RHCG: variants seen among roughly 807,000 people sequenced by gnomAD.
RHCG encodes ammonium transporter Rh type C.
A neutral mutation model predicts 55.3 loss-of-function variants in RHCG; 39 were observed. That is an observed-to-expected ratio of 0.70 (90% confidence interval 0.55 to 0.92). The LOEUF (loss-of-function observed/expected upper bound fraction) is 0.92, where lower values mean the gene tolerates loss of function less well. Among genes scored for constraint, RHCG ranks in the 40% least tolerant of loss-of-function variants. The pLI, the probability that RHCG is intolerant of heterozygous loss-of-function variation, is 0.00. For synonymous variants in RHCG, 250 were observed against 246.8 expected, an observed-to-expected ratio of 1.01 and a Z score of -0.12; for missense variants, 635 against 627.9, an observed-to-expected ratio of 1.01 and a Z score of -0.12.
At chr15:89,495,145 T>C (rs1336355724) in intron 1 of RHCG, among the ~76,000 whole-genome samples, 1 of 152,182 alleles carries the variant, frequency 6.6e-6, no homozygotes, top group African/African-American at 2.4e-5. Flanking sequence ...TATCTGTTAC[T>C]TCCCTTCTAG....
In RHCG at chr15:89,472,665, A is replaced by G. The variant is rs1961059832; in HGVS notation, c.*24+46T>C. ...ATCTGATTCTGAGAGCTGGGCCCCC[A>G]CTGGGAGAACCTCCCTGTCATCCCC... On this transcript the variant is annotated intron_variant, in intron 10 of 10. Coordinates refer to ENST00000268122, the MANE Select transcript of RHCG (RefSeq NM_016321.3). The G allele has an allele frequency of 7.7e-6, 12 of 1,557,336 alleles. 1 individual carries two copies. The South Asian group carries it at 1.3e-4, about 17-fold the overall frequency.
In RHCG at chr15:89,477,905, GC is replaced by G. The variant is rs1567225137; in HGVS notation, c.906del (p.Met302IlefsTer23). The G allele has an allele frequency of 6.2e-7, 1 of 1,614,044 alleles. No homozygotes were observed. The highest frequency in any genetic ancestry group is 8.5e-7 in the Non-Finnish European group (1 of 1,179,990). On this transcript the variant is annotated frameshift_variant, in exon 6 of 11. Transcript: ENST00000268122. LOFTEE classifies it high-confidence loss of function. The surrounding 1 kb of genome is among the most constrained non-coding windows in gnomAD (Gnocchi z 4.5). ...AAGCCGATGATGAGGGCACCGTAAG[GC>G]ATGAGCATCATCTCAGCAGCGGTAC... ...AVGTAAEMML[M>X]PYGALIIGFV...
At chr15:89,479,924 A>G (rs577531685) in intron 4 of RHCG, among the ~76,000 whole-genome samples, 12 of 152,324 alleles carry the variant, frequency 7.9e-5, no homozygotes, top group South Asian at 6.2e-4. Flanking sequence ...GGAAATGCAC[A>G]TCTTGCCCTA....
intron 1 of RHCG, among the ~76,000 whole-genome samples, chr15:89,493,831 T>G (rs1473595864): frequency 6.6e-6 from 1 of 152,170 alleles, no homozygotes; most frequent in African/African-American, 2.4e-5. Context: ...AAGACACTTC[T>G]CCGCTCTGGC....
chr15:89,474,472 T>G (rs1024080009), intron 9 of RHCG, among the ~76,000 whole-genome samples: 1 of 152,142 alleles, frequency 6.6e-6, no homozygotes, highest in Non-Finnish European at 1.5e-5. Context: ...ACCCTTGTCA[T>G]GAGAGGACAG....
Position 89,477,321 on chromosome 15 carries a change from T to A in RHCG, c.1113-115A>T. The stretch of plus-strand genomic sequence containing the variant: ...GGCCTCAGCCTTCCCACCCACAACA[T>A]GGGGACACCGGACATATCAGTTGGC... On this transcript the variant is annotated intron_variant, in intron 7 of 10. Coordinates refer to ENST00000268122, the MANE Select transcript of RHCG (RefSeq NM_016321.3). This position sits in a 1 kb window ranked among gnomAD's most constrained non-coding sequence, Gnocchi z 4.5. 6.8e-7 allele frequency: 1 copy of A among 1,464,290 alleles called. No homozygotes were observed. 90.7% of individuals were successfully genotyped at this position (1,464,290 alleles called of 1,614,324 possible).
rs758186901 is a variant in RHCG at position 89,486,785 on chromosome 15, C to T, written c.371+14G>A. The T allele has an allele frequency of 3.3e-5, 52 of 1,574,696 alleles. No individual in the cohort carries two copies. Among genetic ancestry groups the T allele is most frequent in the Non-Finnish European group, 4.3e-5 (50 of 1,154,442 alleles). ...CCCAGTCCGCCACGCCCCCGGGGCC[C>T]GCCCTGCGCTCACTTCTCCACGCCC... On this transcript the variant is annotated intron_variant, in intron 2 of 10. Transcript: ENST00000268122.
At chr15:89,479,131 A>C (rs2350684) in intron 5 of RHCG, among the ~76,000 whole-genome samples, 191 bp downstream of exon 5, 2 of 152,106 alleles carry the variant, frequency 1.3e-5, no homozygotes, top group South Asian at 4.1e-4. Flanking sequence ...ACAAAAAAAA[A>C]CAAGATAAAG....
At chr15:89,476,592 A>G (rs1210927516) in intron 9 of RHCG, among the ~76,000 whole-genome samples, 163 bp downstream of exon 9, 5 of 152,012 alleles carry the variant, frequency 3.3e-5, no homozygotes, top group Non-Finnish European at 7.4e-5. Context: ...AGAGTCTTCA[A>G]CCTCCATGAG....
chr15:89,477,949 G>C lies in RHCG; in HGVS notation c.863C>G (p.Ala288Gly). Residue 288 changes from alanine (A) to glycine (G), a missense_variant, in exon 6 of 11, where the codon GCA becomes GGA. Physicochemically the swap from Ala to Gly is moderately conservative, Grantham distance 60 (BLOSUM62 0). Transcript: ENST00000268122. This position sits in a 1 kb window ranked among gnomAD's most constrained non-coding sequence, Gnocchi z 4.5. ...DMVHIQNATL[A>G]GGVAVGTAAE... ...AGCGGTACCCACGGCCACCCCTCCT[G>C]CGAGCGTGGCATTCTGGATGTGCAC... The C allele has an allele frequency of 6.2e-7, 1 of 1,610,258 alleles. No individual in the cohort carries two copies. Among genetic ancestry groups the C allele is most frequent in the South Asian group, 1.1e-5 (1 of 90,760 alleles).
rs752984795 is a variant in RHCG at position 89,476,860 on chromosome 15, G to A, written c.1238-32C>T. ...AAAGTTGGAGATTACAGGATGTCAG[G>A]AAGTGCCTTCTCTCTGCTCACCCCA... On this transcript the variant is annotated intron_variant, in intron 8 of 10. Transcript: ENST00000268122. 1.2e-5 allele frequency: 19 copies of A among 1,595,404 alleles called. No homozygotes were observed. In the South Asian group the frequency reaches 2.0e-4, roughly 17 times the overall value.
intron 2 of RHCG, among the ~76,000 whole-genome samples, chr15:89,484,716 G>A (rs1259447959): frequency 6.7e-6 from 1 of 150,258 alleles, no homozygotes; most frequent in Admixed American, 6.6e-5. Flanking sequence ...GGAAGTGGAG[G>A]TTGCAGCGAG....
chr15:89,476,983 TG>T, intron 8 of RHCG, 98 bp downstream of exon 8: 1 of 1,576,404 alleles, frequency 6.3e-7, no homozygotes, highest in Non-Finnish European at 8.7e-7. Context: ...CAGGGATTCC[TG>T]GGGGCTCAGG....
intron 3 of RHCG, among the ~76,000 whole-genome samples, chr15:89,481,956 T>C (rs758764315): frequency 9.2e-5 from 14 of 152,026 alleles, no homozygotes; most frequent in Non-Finnish European, 1.9e-4. Flanking sequence ...CATGCGCCAC[T>C]ACACCCAGCT....
Position 89,472,951 on chromosome 15 carries a change from G to T in RHCG, c.1312-88C>A. The T allele has an allele frequency of 1.5e-6, 2 of 1,360,822 alleles. 1 individual carries two copies. Among genetic ancestry groups the T allele is most frequent in the South Asian group, 3.5e-5 (2 of 57,222 alleles). The allele number at this position is 1,360,822 out of a possible 1,614,324, so 84.3% of individuals were successfully genotyped here. A position where few individuals can be genotyped will look rare whatever the true frequency, so the allele number is the denominator to read the frequency against. ...ACTAGAACCTGGAGCTGCAAATGGT[G>T]TGTGGCGAGCGCCACCTTGTGATCG... On this transcript the variant is annotated intron_variant, in intron 9 of 10. Transcript: ENST00000268122.
rs1555461989 is a variant in RHCG, at chr15:89,486,597, A to AGAGAGTGT, written c.371+201_371+202insACACTCTC. 991 of 326,966 alleles carry AGAGAGTGT rather than the reference A, an allele frequency of 3.0e-3. 10 individuals carry two copies. Among genetic ancestry groups the AGAGAGTGT allele is most frequent in the East Asian group, 0.011 (121 of 11,362 alleles). 20.3% of individuals were successfully genotyped at this position (326,966 alleles called of 1,614,324 possible). A position where few individuals can be genotyped will look rare whatever the true frequency, so the allele number is the denominator to read the frequency against. On this transcript the variant is annotated intron_variant, in intron 2 of 10. Transcript: ENST00000268122. The stretch of plus-strand genomic sequence containing the variant: ...GAGAGAGAGAGAGAGAGAGAGAGAG[A>AGAGAGTGT]GAGTGTGTGTGTGTGTGTGTGTGTG...
chr15:89,482,031 A>G (rs1961277278), intron 3 of RHCG, among the ~76,000 whole-genome samples: 1 of 152,132 alleles, frequency 6.6e-6, no homozygotes, highest in African/African-American at 2.4e-5. Context: ...CGAACTCCTG[A>G]CTTCAGGTGA....
intron 1 of RHCG, among the ~76,000 whole-genome samples, chr15:89,487,520 C>T (rs1040145605): frequency 9.2e-5 from 14 of 152,152 alleles, no homozygotes; most frequent in African/African-American, 2.2e-4. Context: ...AATGCTCATC[C>T]GGCCAAGGAG....
chr15:89,471,739 G>T lies in RHCG; in HGVS notation c.*141C>A, dbSNP rs1375825515. ...TCAGACCCCCTGGGATGAAGGGGAG[G>T]GCAGGGGTGGAGGCACCTTGAGGCC... is the stretch of plus-strand genomic sequence containing the variant. On this transcript the variant is annotated 3_prime_UTR_variant, in exon 11 of 11. Transcript: ENST00000268122. The T allele has an allele frequency of 6.5e-6, 1 of 152,902 alleles. No homozygotes were observed. Among genetic ancestry groups the T allele is most frequent in the Non-Finnish European group, 1.5e-5 (1 of 68,180 alleles). 9.5% of individuals were successfully genotyped at this position (152,902 alleles called of 1,614,324 possible).
Sources: gnomAD v4.1 joint callset for allele counts (sites outside exome capture counted in the v4.1 genomes callset) on GRCh38, gnomAD v4.1.1 for gene constraint, Gnocchi (gnomAD v3.1) non-coding constraint, MANE v1.5 for transcripts, NCBI Gene and HGNC (gene_info 2026-07-23, HGNC 2026-07-21) for gene names.